VWA5A: variants seen among roughly 807,000 people sequenced by gnomAD.
VWA5A encodes the protein von Willebrand factor A domain-containing protein 5A.
VWA5A carries 77 observed loss-of-function variants against 84.6 expected under a neutral mutation model. The observed-to-expected ratio is 0.91, with a 90% CI of 0.76 to 1.10. VWA5A has a LOEUF of 1.10. VWA5A is among the 50% of genes least tolerant of loss of function. The pLI is 0.00. For synonymous variants in VWA5A, 334 were observed against 350.1 expected (o/e 0.95, Z 0.51); for missense variants, 973 against 963.0 (o/e 1.01, Z -0.14).
chr11:124,120,008 CTT>C (rs773024932), intron 7 of VWA5A, among the ~76,000 whole-genome samples: 8 of 152,046 alleles, frequency 5.3e-5, no homozygotes, highest in Non-Finnish European at 1.0e-4. Context: ...GTTTTTTTCT[CTT>C]TTCGAGATAT....
chr11:124,131,607 T>A (rs1416574532), intron 11 of VWA5A, among the ~76,000 whole-genome samples: 1 of 152,044 alleles, frequency 6.6e-6, no homozygotes, highest in Non-Finnish European at 1.5e-5. Context: ...ATTTACTGGA[T>A]GTTTATTTCC....
At position 124,136,176 on chromosome 11, in the gene VWA5A, C is replaced by T. The variant is rs757551119; in HGVS notation, c.1407C>T (p.Val469=). Residue 469 remains valine (V), a synonymous_variant, in exon 13 of 19, where the codon GTC becomes GTT. Transcript: ENST00000456829. The part of the protein sequence containing the change: ...KRSLQPVVED[V]SLSWHLPPGL... Reference sequence around the variant, plus strand: ...CTCTGCAGCCTGTGGTAGAGGATGTCTCTCTGAGCTGGCATTTGCCTCCTG... The same window carrying T: ...CTCTGCAGCCTGTGGTAGAGGATGTTTCTCTGAGCTGGCATTTGCCTCCTG... 3 of 1,614,202 alleles carry T rather than the reference C, an allele frequency of 1.9e-6. No individual in the cohort carries two copies. The South Asian group carries it at 3.3e-5, about 18-fold the overall frequency.
intron 7 of VWA5A, 64 bp downstream of exon 7, chr11:124,119,153 C>G (rs550804500): frequency 7.2e-7 from 1 of 1,398,112 alleles, no homozygotes; most frequent in South Asian, 1.2e-5. Flanking sequence ...GAATTACTGT[C>G]GAATTACTCT....
chr11:124,137,006 T>C lies in VWA5A; in HGVS notation c.1626-9T>C, dbSNP rs1565620963. 6.3e-7 allele frequency: 1 copy of C among 1,599,038 alleles called. No homozygotes were observed. The stretch of plus-strand genomic sequence containing the variant: ...CTACATTTCAGTACTTTTTTTTTTT[T>C]CCTTTCAGCCTCACCATTCACCGCC... On this transcript the variant is annotated splice_polypyrimidine_tract_variant and intron_variant, in intron 14 of 18. Transcript: ENST00000456829.
rs117121599 is a variant in VWA5A, at chr11:124,133,375, C to T, written c.1245-1545C>T. Among the ~76,000 whole-genome samples, 34 of 152,278 alleles carry T rather than the reference C, an allele frequency of 2.2e-4. 2 individuals are homozygous for T. In the East Asian group the frequency reaches 6.4e-3, roughly 28 times the overall value. On this transcript the variant is annotated intron_variant, in intron 11 of 18. Transcript: ENST00000456829. ...GCGTGTAACCACTTAGGTTTTAAGT[C>T]ATCTGCTTTTGTACTTGGCACTTGC...
At position 124,146,086 on chromosome 11, in the gene VWA5A, C is replaced by T. The variant is rs934893076; in HGVS notation, c.*141C>T. ...AGTAAAGGATGCTTACTCCACTTCG[C>T]TTCTCTGCTCCAGGTTCACTTTGGA... is the stretch of plus-strand genomic sequence containing the variant. On this transcript the variant is annotated 3_prime_UTR_variant, in exon 19 of 19. Transcript: ENST00000456829. 17 of 791,622 alleles carry T rather than the reference C, an allele frequency of 2.1e-5. No individual in the cohort carries two copies. The highest frequency in any genetic ancestry group is 2.9e-5 in the Non-Finnish European group (15 of 516,466). 49.0% of individuals were successfully genotyped at this position (791,622 alleles called of 1,614,324 possible).
chr11:124,142,832 T>G (rs920501384), intron 17 of VWA5A, among the ~76,000 whole-genome samples: 3 of 152,332 alleles, frequency 2.0e-5, no homozygotes, highest in Admixed American at 6.5e-5. Context: ...CTCTTCCACT[T>G]TAATCGTATT....
At position 124,123,886 on chromosome 11, in the gene VWA5A, T is replaced by C. The variant is rs541712815; in HGVS notation, c.1164+82T>C. The C allele has an allele frequency of 1.0e-4, 152 of 1,478,770 alleles. No individual in the cohort carries two copies. The Admixed American group carries it at 1.4e-3, about 14-fold the overall frequency. 91.6% of individuals were successfully genotyped at this position (1,478,770 alleles called of 1,614,324 possible). The stretch of plus-strand genomic sequence containing the variant: ...CTATGCCCCTGAGCTTCATGCAGTA[T>C]GTTGAAATATAGTTTGCAATTCACA... On this transcript the variant is annotated intron_variant, in intron 10 of 18. Coordinates refer to ENST00000456829, the MANE Select transcript of VWA5A (RefSeq NM_001130142.2).
chr11:124,118,871 TC>T (rs1864885606), intron 6 of VWA5A, 103 bp from the exon 7 acceptor site: 13 of 1,357,716 alleles, frequency 9.6e-6, no homozygotes, highest in Non-Finnish European at 1.3e-5. Context: ...TCACCTCTGT[TC>T]CTAGTCATGC....
chr11:124,145,131 C>G, intron 17 of VWA5A, 106 bp from the exon 18 acceptor site: 1 of 1,397,676 alleles, frequency 7.2e-7, no homozygotes, highest in Non-Finnish European at 9.5e-7. Flanking sequence ...CCAGGTAACT[C>G]CATCTAGTGA....
In VWA5A at chr11:124,123,747, C is replaced by G; in HGVS notation, c.1107C>G (p.Ile369Met). The G allele has an allele frequency of 3.7e-6, 6 of 1,610,014 alleles. No individual in the cohort carries two copies. Among genetic ancestry groups the G allele is most frequent in the Non-Finnish European group, 5.1e-6 (6 of 1,178,414 alleles). ...LMQADLGGTE[I>M]LAPLQNIYRG... ...AGGCCGACCTAGGGGGCACTGAAAT[C>G]TTGGCACCACTCCAGAACATTTACA... Residue 369 changes from isoleucine (I) to methionine (M), a missense_variant, in exon 10 of 19, where the codon ATC becomes ATG. Transcript: ENST00000456829.
Position 124,142,459 on chromosome 11 carries a change from CTTGTGCA to C in VWA5A, c.2042_2048del (p.Leu681ArgfsTer2). 6.2e-7 allele frequency: 1 copy of C among 1,614,214 alleles called. No individual in the cohort carries two copies. Among genetic ancestry groups the C allele is most frequent in the South Asian group, 1.1e-5 (1 of 91,078 alleles). On this transcript the variant is annotated frameshift_variant, in exon 17 of 19. Transcript: ENST00000456829. LOFTEE classifies it high-confidence loss of function. ...CCTCAAAGGCTTTGGAGAGAATCAC[CTTGTGCA>C]GCTGATTTACCACCAAAATGCAAAT...
chr11:124,118,964 C>A lies in VWA5A; in HGVS notation c.646-11C>A. ...ATTCTAATGTGGCTCCTTTACCTGTCCTCCACTCAGGTTTCCCTGGCTGCT... is the reference window on the plus strand; with the variant it reads ...ATTCTAATGTGGCTCCTTTACCTGTACTCCACTCAGGTTTCCCTGGCTGCT... On this transcript the variant is annotated splice_polypyrimidine_tract_variant and intron_variant, in intron 6 of 18. Coordinates refer to ENST00000456829, the MANE Select transcript of VWA5A (RefSeq NM_001130142.2). 6.2e-7 allele frequency: 1 copy of A among 1,612,624 alleles called. No homozygotes were observed. The highest frequency in any genetic ancestry group is 8.5e-7 in the Non-Finnish European group (1 of 1,178,878).
rs753312095 is a variant in VWA5A, at chr11:124,145,859, A to G, written c.2282-7A>G. On this transcript the variant is annotated splice_polypyrimidine_tract_variant and splice_region_variant and intron_variant, in intron 18 of 18. Transcript: ENST00000456829. ...TCATCCCTGCTTCTTGTTTTTCCTC[A>G]CCACAGGCTCCACCATGCCTTCGGT... 2 of 1,572,462 alleles carry G rather than the reference A, an allele frequency of 1.3e-6. No individual in the cohort carries two copies. Among genetic ancestry groups the G allele is most frequent in the South Asian group, 2.3e-5 (2 of 85,820 alleles).
intron 15 of VWA5A, among the ~76,000 whole-genome samples, chr11:124,139,307 C>T (rs7932381): frequency 0.16 from 23,480 of 150,398 alleles, 2,174 homozygotes; most frequent in African/African-American, 0.27. Flanking sequence ...TACAAATTTA[C>T]GATTTTTTAA....
chr11:124,136,493 G>A (rs1860587236), intron 13 of VWA5A, 81 bp from the exon 14 acceptor site: 2 of 1,475,228 alleles, frequency 1.4e-6, no homozygotes, highest in Middle Eastern at 1.8e-4. Context: ...ATTGTTTTGG[G>A]TACCTGCCCC....
At chr11:124,118,152 T>G in intron 4 of VWA5A, 37 bp from the exon 5 acceptor site, 1 of 1,596,276 alleles carries the variant, frequency 6.3e-7, no homozygotes, top group Non-Finnish European at 8.5e-7. Context: ...CCTTGGATGT[T>G]CCCTTTCTTT....
In VWA5A at chr11:124,118,956, T is replaced by TTA; in HGVS notation, c.646-18_646-17dup. On this transcript the variant is annotated intron_variant, in intron 6 of 18. Transcript: ENST00000456829. ...AAGTTATGATTCTAATGTGGCTCCT[T>TTA]TACCTGTCCTCCACTCAGGTTTCCC... 1 of 1,610,910 alleles carries TTA rather than the reference T, an allele frequency of 6.2e-7. No individual in the cohort carries two copies. Among genetic ancestry groups the TTA allele is most frequent in the Non-Finnish European group, 8.5e-7 (1 of 1,177,622 alleles).
chr11:124,137,795 A>G (rs1346072464), intron 15 of VWA5A, among the ~76,000 whole-genome samples: 3 of 152,126 alleles, frequency 2.0e-5, no homozygotes, highest in Non-Finnish European at 4.4e-5. Context: ...CCCAGTAATC[A>G]CTTACCTACT....
Sources: gnomAD v4.1 joint callset for allele counts (sites outside exome capture counted in the v4.1 genomes callset) on GRCh38, gnomAD v4.1.1 for gene constraint, MANE v1.5 for transcripts, NCBI Gene and HGNC (gene_info 2026-07-23, HGNC 2026-07-21) for gene names.